ACYP2: variants seen among roughly 807,000 people sequenced by gnomAD.
The protein encoded by ACYP2 is acylphosphatase-2.
Under a neutral mutation model 11.2 loss-of-function variants are expected in ACYP2, and 12 were observed. The ratio of observed to expected loss-of-function variants is 1.08; its 90% CI spans 0.69 to 1.74. The LOEUF is 1.74. Ranked by LOEUF, ACYP2 falls within the 40% of genes most tolerant of loss-of-function variation. ACYP2 has a pLI of 0.00. For synonymous variants in ACYP2, 43 were observed against 32.2 expected, an observed-to-expected ratio of 1.33 and a Z score of -1.13; for missense variants, 134 against 101.9, an observed-to-expected ratio of 1.31 and a Z score of -1.35.
At chr2:54,044,272 C>T (rs1573594322) in intron 2 of ACYP2, among the ~76,000 whole-genome samples, 1 of 152,062 alleles carries the variant, frequency 6.6e-6, no homozygotes, top group Non-Finnish European at 1.5e-5. Flanking sequence ...AATAAAGGTG[C>T]CAAGGGAAAG....
chr2:54,205,447 C>T (rs1432614953), intron 6 of ACYP2, among the ~76,000 whole-genome samples: 1 of 152,200 alleles, frequency 6.6e-6, no homozygotes, highest in Non-Finnish European at 1.5e-5. Context: ...TGCATATCCT[C>T]TTATGACATC....
chr2:54,103,241 G>T (rs1296906051), intron 4 of ACYP2, among the ~76,000 whole-genome samples: 2 of 152,184 alleles, frequency 1.3e-5, no homozygotes, highest in South Asian at 2.1e-4. Flanking sequence ...TTGGGGAGAA[G>T]GAATAATGCA....
At chr2:54,072,489 T>C (rs1223088275) in intron 4 of ACYP2, among the ~76,000 whole-genome samples, 23 of 107,340 alleles carry the variant, frequency 2.1e-4, no homozygotes, top group Middle Eastern at 4.3e-3. Flanking sequence ...TCTTTCTTTT[T>C]TCTTTCTTTC....
chr2:54,263,199 T>C (rs1687855979), intron 6 of ACYP2, among the ~76,000 whole-genome samples: 1 of 152,118 alleles, frequency 6.6e-6, no homozygotes. Flanking sequence ...CTTACAATCA[T>C]GGCGGAAGGC....
intron 2 of ACYP2, among the ~76,000 whole-genome samples, chr2:53,981,018 C>T (rs1283053754): frequency 6.6e-6 from 1 of 152,174 alleles, no homozygotes; most frequent in Non-Finnish European, 1.5e-5. Context: ...TCATAAAATG[C>T]TTGGATTACA....
intron 6 of ACYP2, among the ~76,000 whole-genome samples, chr2:54,139,385 G>T (rs189206660): frequency 6.4e-4 from 97 of 152,244 alleles, no homozygotes; most frequent in African/African-American, 2.1e-3. Context: ...ATGAGCTGGA[G>T]GGTTACCAAA....
intron 4 of ACYP2, among the ~76,000 whole-genome samples, chr2:54,078,103 C>T (rs1326358571): frequency 6.6e-6 from 1 of 151,954 alleles, no homozygotes; most frequent in Admixed American, 6.6e-5. Context: ...CTCACCACCA[C>T]ACTCAGCTAA....
chr2:54,197,619 G>A (rs1364457453), intron 6 of ACYP2, among the ~76,000 whole-genome samples: 1 of 152,180 alleles, frequency 6.6e-6, no homozygotes, highest in Admixed American at 6.5e-5. Flanking sequence ...GACCCCAATG[G>A]CAAGGAGAAG....
In ACYP2 at chr2:54,270,547, C is replaced by G. The variant is rs143543561; in HGVS notation, c.405-34141C>G. 2.7e-3 allele frequency among the ~76,000 whole-genome samples: 415 copies of G among 152,146 alleles called. 20 individuals are homozygous for G. In the East Asian group the frequency reaches 0.053, roughly 19 times the overall value. ...CATTTGAGCTCAGTAGACGAGGCTACAGTGAGCCATGATCACACAACTACA... is the reference window on the plus strand; with the variant it reads ...CATTTGAGCTCAGTAGACGAGGCTAGAGTGAGCCATGATCACACAACTACA... On this transcript the variant is annotated intron_variant, in intron 6 of 6. Transcript: ENST00000607452.
At chr2:54,164,933 T>C (rs1429442698) in intron 6 of ACYP2, among the ~76,000 whole-genome samples, 1 of 152,198 alleles carries the variant, frequency 6.6e-6, no homozygotes, top group African/African-American at 2.4e-5. Context: ...ATTGTTCAGC[T>C]CCCGCTTATG....
At chr2:54,071,339 A>G (rs1324173739) in intron 4 of ACYP2, among the ~76,000 whole-genome samples, 3 of 152,216 alleles carry the variant, frequency 2.0e-5, no homozygotes, top group African/African-American at 7.2e-5. Context: ...AGGAAGGAGT[A>G]AAACTATCTC....
intron 2 of ACYP2, among the ~76,000 whole-genome samples, chr2:53,989,918 T>A (rs991907661): frequency 2.6e-5 from 4 of 152,158 alleles, no homozygotes; most frequent in Non-Finnish European, 5.9e-5. Flanking sequence ...GCCAATTGTT[T>A]GAGAATGTTT....
intron 2 of ACYP2, among the ~76,000 whole-genome samples, chr2:53,983,360 G>A (rs1055555154): frequency 1.3e-5 from 2 of 152,074 alleles, no homozygotes; most frequent in Non-Finnish European, 2.9e-5. Flanking sequence ...ACAAAAATTA[G>A]CTGGGTGTGG....
intron 6 of ACYP2, 25 bp downstream of exon 3, chr2:54,138,773 T>C (rs1310955230): frequency 6.4e-7 from 1 of 1,574,108 alleles, no homozygotes; most frequent in Admixed American, 1.7e-5. Context: ...TAATAACATG[T>C]ACATGAAATT....
At chr2:54,080,665 T>C (rs1677598112) in intron 4 of ACYP2, among the ~76,000 whole-genome samples, 2 of 152,138 alleles carry the variant, frequency 1.3e-5, no homozygotes, top group South Asian at 4.2e-4. Flanking sequence ...ATTTTTGTAT[T>C]TTTAGTAGAG....
At chr2:54,130,491 G>T (rs1461064549) in intron 4 of ACYP2, among the ~76,000 whole-genome samples, 1 of 152,150 alleles carries the variant, frequency 6.6e-6, no homozygotes, top group Non-Finnish European at 1.5e-5. Context: ...GAAATGCTTT[G>T]ATTTTTAGTT....
At chr2:54,070,732 ATTTT>A (rs11368576) in intron 4 of ACYP2, among the ~76,000 whole-genome samples, 9 of 137,108 alleles carry the variant, frequency 6.6e-5, no homozygotes, top group African/African-American at 5.4e-5. Flanking sequence ...AAGCTATTCC[ATTTT>A]TTTTTTTTTT....
chr2:54,159,590 C>G (rs1338535547), intron 6 of ACYP2, among the ~76,000 whole-genome samples: 1 of 152,052 alleles, frequency 6.6e-6, no homozygotes, highest in Non-Finnish European at 1.5e-5. Context: ...TTCGACGTCC[C>G]TCTGCTAGGT....
At chr2:54,260,040 A>G (rs1428779156) in intron 6 of ACYP2, among the ~76,000 whole-genome samples, 1 of 152,172 alleles carries the variant, frequency 6.6e-6, no homozygotes, top group Non-Finnish European at 1.5e-5. Flanking sequence ...AGAAGGAAGC[A>G]TTATTGGAGG....
Sources: gnomAD v4.1 joint callset for allele counts (sites outside exome capture counted in the v4.1 genomes callset) on GRCh38, gnomAD v4.1.1 for gene constraint, MANE v1.5 for transcripts, NCBI Gene and HGNC (gene_info 2026-07-23, HGNC 2026-07-21) for gene names.